Variants in PRTFDC1 observed in about 807,000 individuals in gnomAD.
The protein encoded by PRTFDC1 is phosphoribosyl transferase domain containing 1, also known as phosphoribosyltransferase domain-containing protein 1.
PRTFDC1 carries 38 observed loss-of-function variants against 34.6 expected under a neutral mutation model. The ratio of observed to expected loss-of-function variants is 1.10; its 90% confidence interval spans 0.85 to 1.44. The LOEUF is 1.44. Among genes scored for constraint, PRTFDC1 ranks in the 40% most tolerant of loss-of-function variants. PRTFDC1 has a pLI of 0.00. For missense variants in PRTFDC1, 270 were observed against 283.0 expected (o/e 0.95, Z 0.33); for synonymous variants, 93 against 98.1 (o/e 0.95, Z 0.31).
chr10:24,945,933 A>C (rs1338965400), intron 1 of PRTFDC1, among the ~76,000 whole-genome samples: 1 of 152,154 alleles, frequency 6.6e-6, no homozygotes, highest in Non-Finnish European at 1.5e-5. Flanking sequence ...CCAGCTGTAC[A>C]TGAGGAGATT....
chr10:24,877,419 T>G (rs572293041), intron 3 of PRTFDC1, among the ~76,000 whole-genome samples: 19 of 152,326 alleles, frequency 1.2e-4, no homozygotes, highest in Middle Eastern at 3.4e-3. Context: ...GTCGCTGGTT[T>G]GAAGATAGAT....
In PRTFDC1 at chr10:24,894,329, CAAAAAAAAA is replaced by C. The variant is rs199529794; in HGVS notation, c.340-22275_340-22267del. Among the ~76,000 whole-genome samples the C allele has an allele frequency of 1.0e-4, 10 of 98,792 alleles. No homozygotes were observed. In the East Asian group the frequency reaches 1.1e-3, roughly 11 times the overall value. The allele number at this position is 98,792 out of a possible 152,430, so 64.8% of individuals were successfully genotyped here. ...CTGGCGACAGAGCTAGACTCAATCT[CAAAAAAAAA>C]AAAAAAAAAAGAGAGAGAAAAGAAA... On this transcript the variant is annotated intron_variant, in intron 3 of 8. Coordinates refer to ENST00000320152, the MANE Select transcript of PRTFDC1 (RefSeq NM_020200.7).
chr10:24,871,944 G>A (rs1271579845), intron 4 of PRTFDC1, 54 bp downstream of exon 4: 1 of 1,481,746 alleles, frequency 6.7e-7, no homozygotes. Context: ...TGAAATGCAG[G>A]TCACCGATGC....
intron 3 of PRTFDC1, among the ~76,000 whole-genome samples, chr10:24,911,354 G>T (rs1848623900): frequency 1.3e-5 from 2 of 152,144 alleles, no homozygotes; most frequent in Admixed American, 1.3e-4. Flanking sequence ...TTCAAGTGTG[G>T]CTCTTTTACT....
At chr10:24,910,818 A>G (rs74122893) in intron 3 of PRTFDC1, among the ~76,000 whole-genome samples, 3 of 152,192 alleles carry the variant, frequency 2.0e-5, no homozygotes, top group Admixed American at 2.0e-4. Context: ...AAGAAAATTT[A>G]AAAAAAATTA....
intron 3 of PRTFDC1, among the ~76,000 whole-genome samples, chr10:24,894,222 T>TCGGGAGACTGAGG (rs1426478463): frequency 6.6e-6 from 1 of 151,084 alleles, no homozygotes; most frequent in Non-Finnish European, 1.5e-5. Flanking sequence ...TCCCAGCTAC[T>TCGGGAGACTGAGG]CGGGAGACTG....
intron 3 of PRTFDC1, among the ~76,000 whole-genome samples, chr10:24,888,607 G>A (rs1417628960): frequency 6.6e-6 from 1 of 152,168 alleles, no homozygotes; most frequent in Admixed American, 6.5e-5. Flanking sequence ...TTAATTCTAT[G>A]AGTAGCTGTC....
intron 3 of PRTFDC1, among the ~76,000 whole-genome samples, chr10:24,873,113 A>AC (rs1449082307): frequency 4.6e-5 from 7 of 152,086 alleles, no homozygotes; most frequent in Non-Finnish European, 1.0e-4. Context: ...GATAGGCGCC[A>AC]CCATGCCTGG....
Position 24,952,024 on chromosome 10 carries a change from G to A in PRTFDC1, c.48+504C>T, listed in dbSNP as rs1236406762. Among the ~76,000 whole-genome samples, 5 of 152,354 alleles carry A rather than the reference G, an allele frequency of 3.3e-5. No homozygotes were observed. The South Asian group carries it at 8.3e-4, about 25-fold the overall frequency. ...CACTGCCAGAGAGCCCCCAACCTGG[G>A]TACCAAAGGCTTCAAATCTCAAGCT... On this transcript the variant is annotated intron_variant, in intron 1 of 8. Transcript: ENST00000320152. The surrounding 1 kb of genome is among the most constrained non-coding windows in gnomAD (Gnocchi z 5.1).
intron 1 of PRTFDC1, among the ~76,000 whole-genome samples, chr10:24,950,737 C>T (rs906506540): frequency 1.3e-5 from 2 of 152,102 alleles, no homozygotes; most frequent in African/African-American, 4.8e-5. Context: ...CAACCAGCTT[C>T]TCCCCCACAG....
At chr10:24,928,853 C>T (rs1357798645) in intron 3 of PRTFDC1, among the ~76,000 whole-genome samples, 1 of 151,420 alleles carries the variant, frequency 6.6e-6, no homozygotes, top group Non-Finnish European at 1.5e-5. Context: ...CTGACTAACA[C>T]GGTGAAACCC....
At chr10:24,884,840 T>C (rs1329007420) in intron 3 of PRTFDC1, among the ~76,000 whole-genome samples, 1 of 152,120 alleles carries the variant, frequency 6.6e-6, no homozygotes, top group Non-Finnish European at 1.5e-5. Context: ...ATAATGATGC[T>C]CCCTTCAGCC....
chr10:24,952,219 C>A lies in PRTFDC1; in HGVS notation c.48+309G>T, dbSNP rs1364135617. Among the ~76,000 whole-genome samples, 1 of 152,196 alleles carries A rather than the reference C, an allele frequency of 6.6e-6. No individual in the cohort carries two copies. Among genetic ancestry groups the A allele is most frequent in the Non-Finnish European group, 1.5e-5 (1 of 68,040 alleles). On this transcript the variant is annotated intron_variant, in intron 1 of 8. Coordinates refer to ENST00000320152, the MANE Select transcript of PRTFDC1 (RefSeq NM_020200.7). This position sits in a 1 kb window ranked among gnomAD's most constrained non-coding sequence, Gnocchi z 5.1. ...TGGGGCCCTGCCGGGCTCGCAGAAG[C>A]GACTCCCCGTGGCTCGCGGGGATGG...
Position 24,848,717 on chromosome 10 carries a change from A to T in PRTFDC1, c.*1127T>A, listed in dbSNP as rs1384283034. ...AGAACCAAACAAAAGCTGCTTAGTTATTTATTTTGCATTTGCATTTTGTAG... is the reference window on the plus strand; with the variant it reads ...AGAACCAAACAAAAGCTGCTTAGTTTTTTATTTTGCATTTGCATTTTGTAG... On this transcript the variant is annotated 3_prime_UTR_variant, in exon 9 of 9. Transcript: ENST00000320152. The T allele has an allele frequency of 6.6e-6, 1 of 152,174 alleles. No individual in the cohort carries two copies. The highest frequency in any genetic ancestry group is 1.5e-5 in the Non-Finnish European group (1 of 68,028). The allele number at this position is 152,174 out of a possible 1,614,324, so 9.4% of individuals were successfully genotyped here. A position where few individuals can be genotyped will look rare whatever the true frequency, so the allele number is the denominator to read the frequency against.
intron 3 of PRTFDC1, among the ~76,000 whole-genome samples, chr10:24,933,198 T>C (rs148179326): frequency 6.6e-6 from 1 of 151,990 alleles, no homozygotes; most frequent in East Asian, 1.9e-4. Context: ...TTTGTGATCT[T>C]GGGTTAGGCA....
At chr10:24,869,098 G>A (rs1436114161) in intron 4 of PRTFDC1, among the ~76,000 whole-genome samples, 4 of 152,014 alleles carry the variant, frequency 2.6e-5, no homozygotes, top group Admixed American at 2.0e-4. Context: ...AACCATCGTC[G>A]CTCTACATTG....
intron 3 of PRTFDC1, among the ~76,000 whole-genome samples, chr10:24,880,827 C>CTTTCTTTCTT (rs769247699): frequency 3.1e-5 from 4 of 127,218 alleles, no homozygotes; most frequent in African/African-American, 1.4e-4. Context: ...TTCTTTCTTT[C>CTTTCTTTCTT]TTTCTTTCTT....
rs180773215 is a variant in PRTFDC1 at position 24,941,019 on chromosome 10, T to C, written c.155+1311A>G. On this transcript the variant is annotated intron_variant, in intron 2 of 8. Coordinates refer to ENST00000320152, the MANE Select transcript of PRTFDC1 (RefSeq NM_020200.7). ...CCTGCAATGGGTGAATTTTGTGCAG[T>C]AGTATATAAATTAATCTTGTGTGTG... Among the ~76,000 whole-genome samples the C allele has an allele frequency of 2.3e-3, 339 of 146,862 alleles. 1 individual carries two copies. Among genetic ancestry groups the C allele is most frequent in the Non-Finnish European group, 3.6e-3 (241 of 67,450 alleles).
intron 8 of PRTFDC1, among the ~76,000 whole-genome samples, chr10:24,850,260 C>T (rs913143157): frequency 6.6e-6 from 1 of 152,150 alleles, no homozygotes; most frequent in African/African-American, 2.4e-5. Context: ...TTATTCAACC[C>T]TTTTTGGGCA....
Sources: allele counts gnomAD v4.1 joint callset (sites outside exome capture counted in the v4.1 genomes callset), GRCh38; gene constraint gnomAD v4.1.1; non-coding constraint Gnocchi (gnomAD v3.1); transcripts MANE v1.5; gene names NCBI Gene and HGNC (gene_info 2026-07-23, HGNC 2026-07-21).